Variants in SYNPO observed in about 807,000 individuals in gnomAD.
The protein encoded by SYNPO is synaptopodin.
Under a neutral mutation model 49.5 loss-of-function variants are expected in SYNPO, and 19 were observed. That is an observed-to-expected ratio of 0.38 (90% CI 0.27 to 0.56). SYNPO has a LOEUF of 0.56. SYNPO is among the 20% of genes least tolerant of loss of function. The pLI, the probability that SYNPO is intolerant of heterozygous loss-of-function variation, is 0.68. For missense variants in SYNPO, 1,131 were observed against 1,248.3 expected (o/e 0.91, Z 1.42); for synonymous variants, 536 against 548.0 (o/e 0.98, Z 0.31).
intron 1 of SYNPO, among the ~76,000 whole-genome samples, chr5:150,642,729 C>A (rs1757954636): frequency 6.6e-6 from 1 of 152,226 alleles, no homozygotes; most frequent in South Asian, 2.1e-4. Flanking sequence ...CTGGTCCAAA[C>A]CTCCTGCTGA....
chr5:150,636,830 A>G (rs2151394649), upstream of SYNPO, among the ~76,000 whole-genome samples: 1 of 151,988 alleles, frequency 6.6e-6, no homozygotes, highest in African/African-American at 2.4e-5. Flanking sequence ...ATGGGGTTGG[A>G]CTGTGTCTGA....
intron 2 of SYNPO, 31 bp from the exon 3 acceptor site, chr5:150,656,373 G>A (rs1293015959): frequency 1.3e-6 from 2 of 1,497,276 alleles, no homozygotes; most frequent in Non-Finnish European, 1.8e-6. Context: ...CAGCACTAAT[G>A]CCTGCCCCAC....
chr5:150,590,483 G>C, the SYNPO span, among the ~76,000 whole-genome samples: 6 of 152,222 alleles, frequency 3.9e-5, no homozygotes, highest in African/African-American at 1.4e-4. Flanking sequence ...GACAGCAGAG[G>C]GGATTTCTAC....
the SYNPO span, among the ~76,000 whole-genome samples, chr5:150,589,856 T>C: frequency 1.6e-4 from 24 of 152,346 alleles, no homozygotes; most frequent in Middle Eastern, 3.4e-3. Context: ...CTCTCTGTAG[T>C]GCTCTCTGGA....
At chr5:150,588,894 T>C in the SYNPO span, among the ~76,000 whole-genome samples, 1 of 152,140 alleles carries the variant, frequency 6.6e-6, no homozygotes, top group South Asian at 2.1e-4. Context: ...AAATAAATTT[T>C]CCTTCCCCTC....
intron 2 of SYNPO, among the ~76,000 whole-genome samples, chr5:150,623,989 T>C (rs142763177): frequency 2.0e-5 from 3 of 152,286 alleles, no homozygotes; most frequent in Non-Finnish European, 4.4e-5. Flanking sequence ...TGCTGGAATG[T>C]GGGTATCTGG....
At chr5:150,640,096 G>A (rs930805020), upstream of SYNPO, 4 of 983,524 alleles carry the variant, frequency 4.1e-6, no homozygotes, top group African/African-American at 5.2e-5. Flanking sequence ...TGCTGTGGAA[G>A]TAAGTGAAGT....
intron 2 of SYNPO, among the ~76,000 whole-genome samples, chr5:150,633,997 AT>A (rs1177833253): frequency 6.6e-6 from 1 of 151,930 alleles, no homozygotes; most frequent in Non-Finnish European, 1.5e-5. Context: ...ATATAAATAT[AT>A]TTTATTAAAT....
chr5:150,629,326 G>A (rs536320194), intron 2 of SYNPO, among the ~76,000 whole-genome samples: 1 of 152,298 alleles, frequency 6.6e-6, no homozygotes, highest in South Asian at 2.1e-4. Flanking sequence ...TGGGAGAATA[G>A]GCACAAGCAC....
At position 150,656,897 on chromosome 5, in the gene SYNPO, C is replaced by T. The variant is rs753385773; in HGVS notation, c.2522C>T (p.Pro841Leu). 171 of 1,575,692 alleles carry T rather than the reference C, an allele frequency of 1.1e-4. No individual in the cohort carries two copies. The Admixed American group carries it at 2.9e-3, about 27-fold the overall frequency. Residue 841 changes from proline (P) to leucine (L), a missense_variant, in exon 3 of 3, where the codon CCG (proline) becomes CTG (leucine). Pro to Leu is a moderately conservative substitution (Grantham distance 98). This residue lies in a region of SYNPO where 509 missense variants were observed against 484.5 expected (regional missense o/e 1.05). Coordinates refer to ENST00000307662, the MANE Select transcript of SYNPO (RefSeq NM_007286.6). ...TCGTCCTGCACCAGTCCCCGGAGCC[C>T]GCTGCCCGCGCCTCCCAGGCCCTTC... ...GPSSCTSPRS[P>L]LPAPPRPFLY...
intron 1 of SYNPO, chr5:150,614,832 T>C (rs905031012): frequency 6.6e-6 from 1 of 152,200 alleles, no homozygotes; most frequent in South Asian, 2.1e-4. Flanking sequence ...ATCTGAGCGA[T>C]GGCTGAGTCC....
intron 1 of SYNPO, among the ~76,000 whole-genome samples, chr5:150,603,616 TTG>T (rs1468135150): frequency 1.3e-5 from 2 of 152,256 alleles, no homozygotes; most frequent in Admixed American, 6.5e-5. Context: ...CCATTCTTTC[TTG>T]TCTTGTCCTG....
At chr5:150,609,152 TG>T (rs1434818858) in intron 1 of SYNPO, among the ~76,000 whole-genome samples, 2 of 152,202 alleles carry the variant, frequency 1.3e-5, no homozygotes, top group African/African-American at 4.8e-5. Context: ...CCATTGACAA[TG>T]TCCCTGAATG....
At chr5:150,646,174 A>G (rs1399446131) in intron 1 of SYNPO, among the ~76,000 whole-genome samples, 1 of 106,626 alleles carries the variant, frequency 9.4e-6, no homozygotes, top group Admixed American at 8.9e-5. Context: ...TACAAAAAAT[A>G]CAAAAAAAAA....
At position 150,641,034 on chromosome 5, in the gene SYNPO, CTG is replaced by C. The variant is rs543621804; in HGVS notation, c.-333+184_-333+185del. 2.0e-4 allele frequency among the ~76,000 whole-genome samples: 30 copies of C among 152,316 alleles called. No individual in the cohort carries two copies. In the South Asian group the frequency reaches 6.2e-3, roughly 32 times the overall value. On this transcript the variant is annotated intron_variant, in intron 1 of 2. Coordinates refer to ENST00000307662, the MANE Select transcript of SYNPO (RefSeq NM_007286.6). ...GGGCCTGGGGCTCCCCACCCCATTT[CTG>C]TGTCTTCTCCCATGCCCGGCAGTCC...
chr5:150,618,723 C>A, exon 2 of SYNPO: 1 of 1,551,398 alleles, frequency 6.4e-7, no homozygotes, highest in Non-Finnish European at 8.7e-7. Context: ...ATGATGACAG[C>A]CAGCCCCAGC....
exon 2 of SYNPO, chr5:150,618,767 G>A (rs1189292807): frequency 1.3e-6 from 2 of 1,551,064 alleles, no homozygotes; most frequent in Admixed American, 3.9e-5. Context: ...CCAGAAACCA[G>A]GTAAGCTTGT....
intron 1 of SYNPO, among the ~76,000 whole-genome samples, chr5:150,607,721 AAACGTAAT>A: frequency 6.6e-6 from 1 of 152,144 alleles, no homozygotes. Flanking sequence ...CTGTCCCCTG[AAACGTAAT>A]GCGAGCACAG....
chr5:150,597,724 C>T (rs538652117), upstream of SYNPO, among the ~76,000 whole-genome samples: 25 of 151,848 alleles, frequency 1.6e-4, no homozygotes, highest in Admixed American at 3.9e-4. Flanking sequence ...CTGCAACCTG[C>T]GCTTCCCGGG....
Sources: allele counts gnomAD v4.1 joint callset (sites outside exome capture counted in the v4.1 genomes callset), GRCh38; gene constraint gnomAD v4.1.1; regional missense constraint gnomAD v4.1.1; transcripts MANE v1.5; gene names NCBI Gene and HGNC (gene_info 2026-07-23, HGNC 2026-07-21).